The following KIF7 variants were observed in gnomAD, a reference collection of about 807,000 sequenced individuals.
KIF7 encodes kinesin-like protein KIF7.
KIF7 carries 104 observed loss-of-function variants against 135.7 expected under a neutral mutation model. The ratio of observed to expected loss-of-function variants is 0.77; its 90% CI spans 0.65 to 0.90. The LOEUF (loss-of-function observed/expected upper bound fraction) is 0.90. KIF7 is among the 40% of genes least tolerant of loss of function. The pLI, the probability that KIF7 is intolerant of heterozygous loss-of-function variation, is 0.00. For missense variants in KIF7, 2,005 were observed against 1,839.1 expected (o/e 1.09, Z -1.65); for synonymous variants, 883 against 809.4 (o/e 1.09, Z -1.54).
At chr15:89,659,944 C>T (rs567065432), upstream of KIF7, among the ~76,000 whole-genome samples, 1 of 152,332 alleles carries the variant, frequency 6.6e-6, no homozygotes, top group South Asian at 2.1e-4. Context: ...TGCCTGTAAT[C>T]CCAGCTGTTC....
At chr15:89,645,297 A>G in intron 9 of KIF7, 39 bp downstream of exon 9, 1 of 1,599,218 alleles carries the variant, frequency 6.3e-7, no homozygotes, top group Non-Finnish European at 8.6e-7. Flanking sequence ...GTGGAGGGGC[A>G]GTGGGGAGGA....
intron 14 of KIF7, among the ~76,000 whole-genome samples, chr15:89,632,256 G>T (rs1459591108): frequency 1.3e-5 from 2 of 152,196 alleles, no homozygotes; most frequent in Non-Finnish European, 2.9e-5. Context: ...CTGCATCAAT[G>T]ACGGCCATCC....
rs758730416 is a variant in KIF7, at chr15:89,642,366, C to A, written c.2231G>T (p.Arg744Leu). 4 of 1,609,228 alleles carry A rather than the reference C, an allele frequency of 2.5e-6. No homozygotes were observed. The African/African-American group carries it at 5.3e-5, about 22-fold the overall frequency. ...AQALNRQHSQ[R>L]IRELEQEAEQ... ...TGCCTCCTGCTCCAGCTCCCGGATA[C>A]GCTGGCTGTGCTGGCGGTTCAGGGC... The change falls in exon 11 of 19, where the codon CGT (arginine) becomes CTT (leucine). Residue 744 changes from arginine (R) to leucine (L), a missense_variant. Arg to Leu is a moderately radical substitution (Grantham distance 102, BLOSUM62 -2). Transcript: ENST00000394412.
At chr15:89,626,376 C>T (rs368692234), downstream of KIF7, among the ~76,000 whole-genome samples, 16 of 152,202 alleles carry the variant, frequency 1.1e-4, no homozygotes, top group African/African-American at 2.9e-4. Flanking sequence ...CTGAGCAGCA[C>T]GAGTGATAGG....
upstream of KIF7, among the ~76,000 whole-genome samples, chr15:89,659,445 AAGAG>A (rs377090858): frequency 8.5e-4 from 127 of 148,590 alleles, 1 homozygote; most frequent in East Asian, 0.018. Flanking sequence ...AGGGGAAAGA[AAGAG>A]AGAGAGAAAG....
chr15:89,655,367 C>A (rs1395501256), intron 1 of KIF7, 32 bp downstream of exon 1: 1 of 152,234 alleles, frequency 6.6e-6, no homozygotes. Flanking sequence ...ACCCGGTCCT[C>A]GCCCCTAACC....
rs775579416 is a variant in KIF7 at position 89,628,574 on chromosome 15, G to T, written c.3877C>A (p.Leu1293Met). ...CGEEQGSPEE[L>M]RQREAAEPLV... ...GGCTCAGCCGCCTCCCGCTGCCTCA[G>T]TTCCTCGGGGGACCCCTGCTCCTCA... Residue 1293 changes from leucine to methionine, a missense_variant, in exon 19 of 19, where the codon CTG becomes ATG. By Grantham distance (15) the Leu-to-Met change is conservative. Transcript: ENST00000394412. 6.2e-7 allele frequency: 1 copy of T among 1,613,406 alleles called. No individual in the cohort carries two copies. The highest frequency in any genetic ancestry group is 1.3e-5 in the African/African-American group (1 of 74,952).
At chr15:89,623,514 T>C (rs1184421220), downstream of KIF7, 17 of 1,141,726 alleles carry the variant, frequency 1.5e-5, no homozygotes, top group Admixed American at 4.8e-5. Flanking sequence ...CTTTAGATCA[T>C]TCCTTTGGCT....
downstream of KIF7, chr15:89,623,925 G>T: frequency 6.2e-7 from 1 of 1,614,042 alleles, no homozygotes. Context: ...AGCCGCCTGG[G>T]TTTTTGCCAA....
intron 11 of KIF7, among the ~76,000 whole-genome samples, chr15:89,635,769 G>C (rs1340269698): frequency 6.6e-6 from 1 of 152,240 alleles, no homozygotes; most frequent in East Asian, 1.9e-4. Flanking sequence ...TATTATCCAG[G>C]AGAACTTCCC....
intron 15 of KIF7, chr15:89,631,181 T>C: frequency 5.2e-6 from 2 of 385,936 alleles, no homozygotes; most frequent in Non-Finnish European, 9.6e-6. Flanking sequence ...AGTATGCGCC[T>C]GACACTCCAC....
intron 11 of KIF7, among the ~76,000 whole-genome samples, chr15:89,638,602 T>C (rs1176426644): frequency 6.6e-6 from 1 of 151,792 alleles, no homozygotes; most frequent in Non-Finnish European, 1.5e-5. Flanking sequence ...GTGAAGGACC[T>C]CTTCAAGAAG....
At position 89,646,933 on chromosome 15, in the gene KIF7, C is replaced by T. The variant is rs777497706; in HGVS notation, c.1685G>A (p.Arg562Gln). The T allele has an allele frequency of 6.2e-7, 1 of 1,613,986 alleles. No homozygotes were observed. The highest frequency in any genetic ancestry group is 1.1e-5 in the South Asian group (1 of 91,072). Residue 562 changes from arginine (R) to glutamine (Q), a missense_variant, in exon 7 of 19, where the codon CGA becomes CAA. By Grantham distance (43) the Arg-to-Gln change is conservative (BLOSUM62 1). Transcript: ENST00000394412. ...ACCCCCCAGGGGGGCTGTATGAGGT[C>T]GAGGCACAAAGGACCCGGGAGGCAG... ...NGLPPGSFVP[R>Q]PHTAPLGGAH...
Position 89,630,414 on chromosome 15 carries a change from G to C in KIF7, c.3191C>G (p.Thr1064Arg). The C allele has an allele frequency of 6.2e-7, 1 of 1,608,810 alleles. No individual in the cohort carries two copies. The highest frequency in any genetic ancestry group is 8.5e-7 in the Non-Finnish European group (1 of 1,177,498). The part of the protein sequence containing the change: ...AAIEYKNEAI[T>R]CRQRVLRASA... ...GGCCCGAAGCACCCGCTGGCGGCATGTGATGGCCTCATTCTTATACTCAAT... is the reference window on the plus strand; with the variant it reads ...GGCCCGAAGCACCCGCTGGCGGCATCTGATGGCCTCATTCTTATACTCAAT... The change falls in exon 16 of 19, where the codon ACA becomes AGA. Residue 1064 changes from threonine (T) to arginine (R), a missense_variant. Thr to Arg is a moderately conservative substitution (Grantham distance 71). Transcript: ENST00000394412.
intron 18 of KIF7, 38 bp from the exon 19 acceptor site, chr15:89,628,824 T>C (rs774986061): frequency 6.2e-7 from 1 of 1,611,774 alleles, no homozygotes; most frequent in Non-Finnish European, 8.5e-7. Flanking sequence ...CAGAAACAGG[T>C]GGCAACACCT....
In KIF7 at chr15:89,648,278, C is replaced by T. The variant is rs746154896; in HGVS notation, c.1420G>A (p.Ala474Thr). ...IESASVEDQA[A>T]QGAGGRKEDE... ...ACCTTTCGCCCGCCGGCCCCCTGCG[C>T]CGCCTGGTCCTCGACGGAGGCGCTC... The change falls in exon 5 of 19, where the codon GCG (alanine) becomes ACG (threonine). Residue 474 changes from alanine (A) to threonine (T), a missense_variant. By Grantham distance (58) the Ala-to-Thr change is moderately conservative. Transcript: ENST00000394412. The T allele has an allele frequency of 2.1e-5, 32 of 1,519,854 alleles. 1 individual carries two copies. The South Asian group carries it at 3.6e-4, about 17-fold the overall frequency. 94.1% of individuals were successfully genotyped at this position (1,519,854 alleles called of 1,614,324 possible). A position where few individuals can be genotyped will look rare whatever the true frequency, so the allele number is the denominator to read the frequency against.
rs754245298 is a variant in KIF7 at position 89,645,962 on chromosome 15, C to A, written c.1853G>T (p.Gly618Val). The change falls in exon 8 of 19, where the codon GGC becomes GTC. Residue 618 changes from glycine to valine, a missense_variant. Physicochemically the swap from Gly to Val is moderately radical, Grantham distance 109 (BLOSUM62 -3). Transcript: ENST00000394412. ...TTCCTCCTCTGAAGCAGCTGAAGAG[C>A]CACTTCCCAGCCTGTTCACCTCAGT... Reference protein sequence around the residue: ...LLTEVNRLGSGSSAASEEEEE... With the variant: ...LLTEVNRLGSVSSAASEEEEE... 8 of 1,613,918 alleles carry A rather than the reference C, an allele frequency of 5.0e-6. No individual in the cohort carries two copies. Among genetic ancestry groups the A allele is most frequent in the Non-Finnish European group, 5.9e-6 (7 of 1,180,000 alleles).
chr15:89,645,772 C>T, intron 8 of KIF7, 121 bp downstream of exon 8: 1 of 1,348,778 alleles, frequency 7.4e-7, no homozygotes, highest in Non-Finnish European at 1.0e-6. Flanking sequence ...AACATGAGGG[C>T]ATCCTAGGAC....
downstream of KIF7, chr15:89,625,727 C>T: frequency 6.2e-7 from 1 of 1,613,214 alleles, no homozygotes; most frequent in African/African-American, 1.3e-5. Context: ...AAAGAGGGGT[C>T]TCCAAGTTGG....
Sources: gnomAD v4.1 joint callset for allele counts (sites outside exome capture counted in the v4.1 genomes callset) on GRCh38, gnomAD v4.1.1 for gene constraint, MANE v1.5 for transcripts, NCBI Gene and HGNC (gene_info 2026-07-23, HGNC 2026-07-21) for gene names.